Variants in HLTF observed in about 807,000 individuals in gnomAD.
The protein encoded by HLTF is DNA-dependent ATPase/E3 ubiquitin-protein ligase HLTF.
HLTF carries 127 observed loss-of-function variants against 129.4 expected under a neutral mutation model. The observed-to-expected ratio is 0.98, with a 90% CI of 0.85 to 1.14. The LOEUF is 1.14. Among genes scored for constraint, HLTF ranks in the 50% most tolerant of loss-of-function variants. The pLI is 0.00. For synonymous variants in HLTF, 332 were observed against 388.8 expected (o/e 0.85, Z 1.72); for missense variants, 1,139 against 1,187.1 (o/e 0.96, Z 0.60).
chr3:149,064,880 C>T lies in HLTF; in HGVS notation c.991-14G>A, dbSNP rs1419424142. ...AACATTATATTCCTGGGTAAATAGG[C>T]ATATTTCTTAAACAGTACTGCTATC... On this transcript the variant is annotated splice_polypyrimidine_tract_variant and intron_variant, in intron 8 of 24. Coordinates refer to ENST00000310053, the MANE Select transcript of HLTF (RefSeq NM_003071.4). 1.4e-6 allele frequency: 2 copies of T among 1,478,628 alleles called. No homozygotes were observed. The highest frequency in any genetic ancestry group is 1.4e-5 in the African/African-American group (1 of 71,992). The allele number at this position is 1,478,628 out of a possible 1,614,324, so 91.6% of individuals were successfully genotyped here.
intron 5 of HLTF, among the ~76,000 whole-genome samples, chr3:149,072,142 A>G (rs1718928836): frequency 6.6e-6 from 1 of 152,244 alleles, no homozygotes; most frequent in African/African-American, 2.4e-5. Flanking sequence ...CTAGAATTAC[A>G]CTACTCACTG....
At chr3:149,042,491 T>A (rs568042284) in intron 18 of HLTF, among the ~76,000 whole-genome samples, 7 of 152,182 alleles carry the variant, frequency 4.6e-5, no homozygotes, top group African/African-American at 1.7e-4. Flanking sequence ...TGGCTGCCAA[T>A]TGCAGTCTAA....
At chr3:149,056,168 C>T (rs909068883) in intron 13 of HLTF, among the ~76,000 whole-genome samples, 5 of 152,172 alleles carry the variant, frequency 3.3e-5, no homozygotes, top group African/African-American at 1.2e-4. Context: ...TTAAACCATC[C>T]AGCTAAGCCA....
chr3:149,039,329 ATTTAT>A lies in HLTF; in HGVS notation c.2616-105_2616-101del, dbSNP rs995839155. ...ATCTCTTCAATAAATTCTTTCACTC[ATTTAT>A]TTTAACAAATGTTTATTGAACACTT... On this transcript the variant is annotated intron_variant, in intron 22 of 24. Coordinates refer to ENST00000310053, the MANE Select transcript of HLTF (RefSeq NM_003071.4). 7 of 916,624 alleles carry A rather than the reference ATTTAT, an allele frequency of 7.6e-6. No homozygotes were observed. In the Admixed American group the frequency reaches 1.1e-4, roughly 14 times the overall value. 56.8% of individuals were successfully genotyped at this position (916,624 alleles called of 1,614,324 possible). A position where few individuals can be genotyped will look rare whatever the true frequency, so the allele number is the denominator to read the frequency against.
intron 2 of HLTF, among the ~76,000 whole-genome samples, chr3:149,081,893 T>G (rs1248143696): frequency 1.3e-5 from 2 of 152,190 alleles, no homozygotes; most frequent in Non-Finnish European, 2.9e-5. Flanking sequence ...TCTGGCCACT[T>G]GTGAGCAACA....
At chr3:149,069,166 A>G (rs1184269085) in intron 7 of HLTF, among the ~76,000 whole-genome samples, 4 of 152,044 alleles carry the variant, frequency 2.6e-5, no homozygotes, top group Non-Finnish European at 5.9e-5. Flanking sequence ...GTTAAAAAAA[A>G]AAGTTTTCCT....
intron 3 of HLTF, among the ~76,000 whole-genome samples, chr3:149,074,725 G>A (rs1576621054): frequency 6.6e-6 from 1 of 152,176 alleles, no homozygotes; most frequent in East Asian, 1.9e-4. Context: ...AAGAACTTGT[G>A]ATTCACTAAG....
rs142925682 is a variant in HLTF at position 149,039,207 on chromosome 3, G to A, written c.2638C>T (p.Arg880Cys). 23 of 1,581,684 alleles carry A rather than the reference G, an allele frequency of 1.5e-5. No homozygotes were observed. In the African/African-American group the frequency reaches 2.0e-4, roughly 14 times the overall value. Residue 880 changes from arginine to cysteine, a missense_variant, in exon 23 of 25, where the codon CGT becomes TGT. Arg to Cys is a radical substitution (Grantham distance 180, BLOSUM62 -3). Transcript: ENST00000310053. ...TTTTGGGCCATGGAACCATCCAAAC[G>A]AGTAAACACAAATCCAGAGGCTCTA... ...PLKASGFVFT[R>C]LDGSMAQKKR...
At chr3:149,081,369 C>T (rs1255940378) in intron 2 of HLTF, among the ~76,000 whole-genome samples, 4 of 150,778 alleles carry the variant, frequency 2.7e-5, no homozygotes, top group South Asian at 2.1e-4. Context: ...CTAAAGGCAA[C>T]GCAATACTTA....
At position 149,086,436 on chromosome 3, in the gene HLTF, G is replaced by A; in HGVS notation, c.-100C>T. On this transcript the variant is annotated 5_prime_UTR_variant, in exon 1 of 25. Coordinates refer to ENST00000310053, the MANE Select transcript of HLTF (RefSeq NM_003071.4). Reference sequence around the variant, plus strand: ...TCCAGGCCCCGCAGCCCTGAAGCCGGGGACAAATTCCGAGCGCCGGATCAG... The same window carrying A: ...TCCAGGCCCCGCAGCCCTGAAGCCGAGGACAAATTCCGAGCGCCGGATCAG... 1 of 1,417,320 alleles carries A rather than the reference G, an allele frequency of 7.1e-7. No homozygotes were observed. Among genetic ancestry groups the A allele is most frequent in the Non-Finnish European group, 9.7e-7 (1 of 1,031,920 alleles). The allele number at this position is 1,417,320 out of a possible 1,614,324, so 87.8% of individuals were successfully genotyped here.
chr3:149,056,696 T>C (rs1717465819), intron 13 of HLTF, among the ~76,000 whole-genome samples: 1 of 152,184 alleles, frequency 6.6e-6, no homozygotes, highest in African/African-American at 2.4e-5. Context: ...CAGTAAGAGA[T>C]TCGTAACAAC....
In HLTF at chr3:149,084,762, T is replaced by G; in HGVS notation, c.148A>C (p.Thr50Pro). ...QDVIPPDDFL[T>P]SDEEVDSVLF... The stretch of plus-strand genomic sequence containing the variant: ...ACGGAATCTACTTCTTCATCACTAG[T>G]TAGAAAGTCATCTGGAGGGATAACA... The change falls in exon 2 of 25, where the codon ACT (threonine) becomes CCT (proline). Residue 50 changes from threonine (T) to proline (P), a missense_variant. Coordinates refer to ENST00000310053, the MANE Select transcript of HLTF (RefSeq NM_003071.4). 1 of 1,614,092 alleles carries G rather than the reference T, an allele frequency of 6.2e-7. No individual in the cohort carries two copies. The highest frequency in any genetic ancestry group is 1.1e-5 in the South Asian group (1 of 91,082).
chr3:149,032,409 G>T, intron 24 of HLTF, 37 bp from the exon 25 acceptor site: 1 of 1,254,982 alleles, frequency 8.0e-7, no homozygotes, highest in Non-Finnish European at 1.1e-6. Flanking sequence ...TAGTTTTTAA[G>T]GCATAGTATT....
intron 10 of HLTF, among the ~76,000 whole-genome samples, chr3:149,062,817 A>G (rs529789629): frequency 3.3e-5 from 5 of 152,344 alleles, no homozygotes; most frequent in African/African-American, 9.6e-5. Context: ...CTCAAAAAAA[A>G]GCAAAAATCC....
chr3:149,032,497 A>G (rs1254964278), intron 24 of HLTF, 125 bp from the exon 25 acceptor site: 2 of 558,810 alleles, frequency 3.6e-6, no homozygotes, highest in South Asian at 2.9e-5. Context: ...CCAAACTATA[A>G]TAACTATTTA....
Position 149,086,518 on chromosome 3 carries a change from CCTT to C in HLTF, c.-185_-183del, listed in dbSNP as rs1720449411. The C allele has an allele frequency of 3.1e-6, 2 of 638,124 alleles. No homozygotes were observed. The highest frequency in any genetic ancestry group is 2.8e-5 in the Admixed American group (1 of 35,138). The allele number at this position is 638,124 out of a possible 1,614,324, so 39.5% of individuals were successfully genotyped here. ...GTCCAGTCAGACGTCGACGCCGTCT[CCTT>C]CTGCAACAATCTGGGAGACCAGCGT... On this transcript the variant is annotated 5_prime_UTR_variant, in exon 1 of 25. Coordinates refer to ENST00000310053, the MANE Select transcript of HLTF (RefSeq NM_003071.4).
Position 149,034,354 on chromosome 3 carries a change from A to G in HLTF, c.2877+564T>C, listed in dbSNP as rs572520510. Among the ~76,000 whole-genome samples the G allele has an allele frequency of 4.6e-5, 7 of 152,278 alleles. No homozygotes were observed. In the South Asian group the frequency reaches 6.2e-4, roughly 14 times the overall value. ...CTTAATGGGTTAAATATATTACGAT[A>G]TATCTATATGGTTTTGTAGAGTAGT... On this transcript the variant is annotated intron_variant, in intron 24 of 24. Coordinates refer to ENST00000310053, the MANE Select transcript of HLTF (RefSeq NM_003071.4).
intron 7 of HLTF, among the ~76,000 whole-genome samples, chr3:149,070,819 C>T (rs983232877): frequency 6.6e-6 from 1 of 152,054 alleles, no homozygotes; most frequent in Non-Finnish European, 1.5e-5. Flanking sequence ...CCAAGGCGGG[C>T]GGATCACTTG....
intron 4 of HLTF, 97 bp from the exon 5 acceptor site, chr3:149,073,419 T>C (rs1719042246): frequency 7.1e-6 from 6 of 843,154 alleles, no homozygotes; most frequent in Non-Finnish European, 9.4e-6. Context: ...CAGGGCTGGG[T>C]GCTGTGGCTC....
Sources: gnomAD v4.1 joint callset for allele counts (sites outside exome capture counted in the v4.1 genomes callset) on GRCh38, gnomAD v4.1.1 for gene constraint, MANE v1.5 for transcripts, NCBI Gene and HGNC (gene_info 2026-07-23, HGNC 2026-07-21) for gene names.